TRPC5: variants seen among roughly 807,000 people sequenced by gnomAD.
The protein encoded by TRPC5 is short transient receptor potential channel 5.
In TRPC5, 9 loss-of-function variants were observed where a neutral mutation model predicts 56.5. The ratio of observed to expected loss-of-function variants is 0.16; its 90% CI spans 0.10 to 0.28. The LOEUF is 0.28. Ranked by LOEUF, TRPC5 falls within the 10% of genes least tolerant of loss-of-function variation. The pLI, the probability that TRPC5 is intolerant of heterozygous loss-of-function variation, is 1.00. For synonymous variants in TRPC5, 282 were observed against 278.5 expected (o/e 1.01, Z -0.13); for missense variants, 469 against 748.9 (o/e 0.63, Z 4.36).
At chrX:112,040,575 T>A (rs1929867159) in intron 1 of TRPC5, among the ~76,000 whole-genome samples, 1 of 111,234 alleles carries the variant, frequency 9.0e-6, no homozygotes, top group Non-Finnish European at 1.9e-5. Flanking sequence ...TGATATACAA[T>A]GAGGAGGAAG....
At chrX:111,966,829 T>G (rs1437257140) in intron 1 of TRPC5, among the ~76,000 whole-genome samples, 2 of 112,073 alleles carry the variant, frequency 1.8e-5, no homozygotes, top group East Asian at 5.6e-4. Flanking sequence ...GGGACGTATC[T>G]CAAAATAATA....
At chrX:111,963,396 G>C (rs1382448859) in intron 1 of TRPC5, among the ~76,000 whole-genome samples, 2 of 112,292 alleles carry the variant, frequency 1.8e-5, no homozygotes, top group African/African-American at 6.5e-5. Context: ...CACCTCTGGG[G>C]GCAGGGCACA....
chrX:112,007,117 T>C (rs987265779), intron 1 of TRPC5, among the ~76,000 whole-genome samples: 1 of 110,769 alleles, frequency 9.0e-6, no homozygotes, highest in Non-Finnish European at 1.9e-5. Context: ...AGGCTAGGAA[T>C]AATAGGATGG....
chrX:111,850,279 T>G (rs1923047314), intron 5 of TRPC5, among the ~76,000 whole-genome samples: 1 of 112,045 alleles, frequency 8.9e-6, no homozygotes, highest in East Asian at 2.8e-4. Flanking sequence ...TTGTTCCTTT[T>G]GAGTACTTTG....
intron 7 of TRPC5, among the ~76,000 whole-genome samples, chrX:111,831,132 T>G (rs1481060230): frequency 8.9e-6 from 1 of 112,468 alleles, no homozygotes; most frequent in African/African-American, 3.2e-5. Flanking sequence ...GGTCCTAGAT[T>G]CTAGCAGCTG....
intron 6 of TRPC5, among the ~76,000 whole-genome samples, chrX:111,846,577 TG>T (rs1922933562): frequency 9.0e-6 from 1 of 111,445 alleles, no homozygotes; most frequent in Non-Finnish European, 1.9e-5. Flanking sequence ...TTGGCCCACC[TG>T]AAACCTTAAA....
At chrX:111,920,029 CT>C (rs1436923783) in intron 2 of TRPC5, among the ~76,000 whole-genome samples, 3 of 111,869 alleles carry the variant, frequency 2.7e-5, no homozygotes, top group African/African-American at 9.8e-5. Flanking sequence ...AGTCCCAGCA[CT>C]TTGGGAGGCC....
At chrX:111,987,549 T>A (rs987369568) in intron 1 of TRPC5, among the ~76,000 whole-genome samples, 4 of 107,735 alleles carry the variant, frequency 3.7e-5, no homozygotes, top group Non-Finnish European at 7.7e-5. Context: ...TTCATTCAAC[T>A]TTTTTTTTTA....
chrX:111,922,605 T>C (rs988683841), intron 2 of TRPC5, among the ~76,000 whole-genome samples: 1 of 112,369 alleles, frequency 8.9e-6, no homozygotes, highest in Non-Finnish European at 1.9e-5. Context: ...GTAGTGGTGA[T>C]GTATGTGTTA....
chrX:111,871,695 C>T (rs932808977), intron 3 of TRPC5, among the ~76,000 whole-genome samples: 6 of 111,611 alleles, frequency 5.4e-5, no homozygotes, highest in East Asian at 2.8e-4. Context: ...TTATGACTTA[C>T]GAGATGTAGA....
chrX:111,866,006 A>C (rs1217024363), intron 3 of TRPC5, among the ~76,000 whole-genome samples: 1 of 113,090 alleles, frequency 8.8e-6, no homozygotes, highest in African/African-American at 3.2e-5. Flanking sequence ...GAATTATATC[A>C]TTTTACAGCT....
intron 3 of TRPC5, among the ~76,000 whole-genome samples, chrX:111,857,620 T>C (rs762185610): frequency 7.6e-4 from 86 of 112,848 alleles, no homozygotes; most frequent in African/African-American, 2.7e-3. Context: ...GGCCACATAG[T>C]GTGGCTTTGC....
intron 1 of TRPC5, among the ~76,000 whole-genome samples, chrX:112,028,349 A>G (rs1320554187): frequency 2.7e-5 from 3 of 111,209 alleles, no homozygotes; most frequent in Admixed American, 1.9e-4. Flanking sequence ...ATAGGTATAC[A>G]TGTGCCATGT....
At chrX:111,970,675 G>T (rs755439614) in intron 1 of TRPC5, among the ~76,000 whole-genome samples, 2 of 111,276 alleles carry the variant, frequency 1.8e-5, no homozygotes, top group Non-Finnish European at 3.8e-5. Flanking sequence ...TTTGTAAATT[G>T]GTGCAGTTTA....
At chrX:111,907,421 G>C (rs897621723) in intron 3 of TRPC5, among the ~76,000 whole-genome samples, 3 of 110,542 alleles carry the variant, frequency 2.7e-5, no homozygotes, top group Admixed American at 9.7e-5. Context: ...GAGGTCAGGA[G>C]TTTGAGACCA....
Position 111,781,174 on chromosome X carries a change from T to C in TRPC5, c.2133A>G (p.Gln711=), listed in dbSNP as rs138034404. The C allele has an allele frequency of 1.9e-5, 23 of 1,208,600 alleles. No homozygotes were observed. In the African/African-American group the frequency reaches 4.0e-4, roughly 21 times the overall value. The change falls in exon 9 of 11, where the codon CAA becomes CAG. Residue 711 remains glutamine, a synonymous_variant. Coordinates refer to ENST00000262839, the MANE Select transcript of TRPC5 (RefSeq NM_012471.3). ...ERNADSLIQN[Q]HYQEVIRNLV... ...TGTGAGGAAGCTTTACCTGATAATG[T>C]TGATTTTGTATCAGGCTGTCAGCAT...
Position 111,779,033 on chromosome X carries a change from C to G in TRPC5, c.2184G>C (p.Met728Ile). 8.3e-7 allele frequency: 1 copy of G among 1,204,774 alleles called. No homozygotes were observed. Among genetic ancestry groups the G allele is most frequent in the Non-Finnish European group, 1.1e-6 (1 of 892,243 alleles). The change falls in exon 10 of 11, where the codon ATG becomes ATC. Residue 728 changes from methionine (M) to isoleucine (I), a missense_variant. By Grantham distance (10) the Met-to-Ile change is conservative. Transcript: ENST00000262839. Reference sequence around the variant, plus strand: ...CCTCATGTGTTTTGGAATTTCTTATCATAGCAGCCACATATCTTTTGACTA... The same window carrying G: ...CCTCATGTGTTTTGGAATTTCTTATGATAGCAGCCACATATCTTTTGACTA... ...RNLVKRYVAA[M>I]IRNSKTHEGL...
At chrX:111,824,832 T>C (rs1399991573) in intron 7 of TRPC5, among the ~76,000 whole-genome samples, 2 of 111,821 alleles carry the variant, frequency 1.8e-5, no homozygotes, top group African/African-American at 6.5e-5. Context: ...GGGAATAAAG[T>C]ATGGTAGGCA....
chrX:111,900,544 C>A (rs1925289134), intron 3 of TRPC5, among the ~76,000 whole-genome samples: 1 of 111,438 alleles, frequency 9.0e-6, no homozygotes, highest in Admixed American at 9.6e-5. Flanking sequence ...AACAGAAAAG[C>A]AGAATAATCT....
Sources: gnomAD v4.1 joint callset for allele counts (sites outside exome capture counted in the v4.1 genomes callset) on GRCh38, gnomAD v4.1.1 for gene constraint, MANE v1.5 for transcripts, NCBI Gene and HGNC (gene_info 2026-07-23, HGNC 2026-07-21) for gene names.